Variants in ZNF804B observed in about 807,000 individuals in gnomAD.
ZNF804B encodes zinc finger 804B.
A neutral mutation model predicts 101.4 loss-of-function variants in ZNF804B; 80 were observed. The ratio of observed to expected loss-of-function variants is 0.79; its 90% CI spans 0.66 to 0.95. The LOEUF is 0.95. Among genes scored for constraint, ZNF804B ranks in the 40% least tolerant of loss-of-function variants. The pLI is 0.00. For synonymous variants in ZNF804B, 622 were observed against 558.8 expected, an observed-to-expected ratio of 1.11 and a Z score of -1.59; for missense variants, 1,673 against 1,561.9, an observed-to-expected ratio of 1.07 and a Z score of -1.20.
chr7:89,210,090 G>A (rs1254346177), intron 1 of ZNF804B, among the ~76,000 whole-genome samples: 1 of 151,584 alleles, frequency 6.6e-6, no homozygotes, highest in Non-Finnish European at 1.5e-5. Flanking sequence ...AGAGGTTTTA[G>A]TGAGCTGAGA....
intron 1 of ZNF804B, among the ~76,000 whole-genome samples, chr7:88,933,361 TC>T (rs1164809800): frequency 1.3e-5 from 2 of 151,822 alleles, no homozygotes; most frequent in Non-Finnish European, 2.9e-5. Flanking sequence ...TGAAAGCATT[TC>T]CCCTGAGAAC....
chr7:89,263,774 G>A (rs554474501), intron 2 of ZNF804B, among the ~76,000 whole-genome samples: 3 of 152,270 alleles, frequency 2.0e-5, no homozygotes, highest in East Asian at 3.9e-4. Flanking sequence ...GTGGTCACAA[G>A]CCAAGGAACT....
At chr7:88,980,503 A>C (rs1487615238) in intron 1 of ZNF804B, among the ~76,000 whole-genome samples, 1 of 152,046 alleles carries the variant, frequency 6.6e-6, no homozygotes, top group East Asian at 1.9e-4. Context: ...GTCTTTGTTC[A>C]CTGCAGCCAT....
intron 1 of ZNF804B, among the ~76,000 whole-genome samples, chr7:89,015,102 G>T (rs983298273): frequency 6.6e-6 from 1 of 152,090 alleles, no homozygotes; most frequent in Non-Finnish European, 1.5e-5. Context: ...ACTTAAGAGG[G>T]TGTACTTTCC....
chr7:89,156,073 T>C (rs1218570455), intron 1 of ZNF804B, among the ~76,000 whole-genome samples: 8 of 102,456 alleles, frequency 7.8e-5, no homozygotes, highest in African/African-American at 1.1e-4. Flanking sequence ...TCTTTCTTTC[T>C]CTCTTTCTCT....
At chr7:88,837,166 A>T (rs1791225691) in intron 1 of ZNF804B, among the ~76,000 whole-genome samples, 2 of 151,086 alleles carry the variant, frequency 1.3e-5, no homozygotes, top group African/African-American at 4.9e-5. Context: ...TACACAATAT[A>T]TTTTTTTTTG....
intron 1 of ZNF804B, among the ~76,000 whole-genome samples, chr7:89,071,435 G>T (rs2116297976): frequency 6.6e-6 from 1 of 152,164 alleles, no homozygotes; most frequent in South Asian, 2.1e-4. Flanking sequence ...AATTAAGAAA[G>T]TCTTTACAGG....
rs767449422 is a variant in ZNF804B at position 88,794,591 on chromosome 7, C to A, written c.108+34507C>A. Reference sequence around the variant, plus strand: ...ATAAAAAATACTGTTTCATCTTTGACATGGCCAATATAATCTAAAAGAACT... The same window carrying A: ...ATAAAAAATACTGTTTCATCTTTGAAATGGCCAATATAATCTAAAAGAACT... On this transcript the variant is annotated intron_variant, in intron 1 of 3. Coordinates refer to ENST00000333190, the MANE Select transcript of ZNF804B (RefSeq NM_181646.5). 5 of 1,613,578 alleles carry A rather than the reference C, an allele frequency of 3.1e-6. No individual in the cohort carries two copies. In the South Asian group the frequency reaches 3.3e-5, roughly 11 times the overall value.
chr7:89,280,576 A>G (rs530782609), intron 2 of ZNF804B, among the ~76,000 whole-genome samples: 1 of 152,354 alleles, frequency 6.6e-6, no homozygotes, highest in Non-Finnish European at 1.5e-5. Flanking sequence ...AGGGGATATC[A>G]CCACCGATCC....
At chr7:89,059,788 G>A (rs1789349489) in intron 1 of ZNF804B, among the ~76,000 whole-genome samples, 1 of 152,082 alleles carries the variant, frequency 6.6e-6, no homozygotes, top group South Asian at 2.1e-4. Context: ...CTAAAAACCT[G>A]GTAAAGCATT....
intron 1 of ZNF804B, among the ~76,000 whole-genome samples, chr7:88,919,725 G>A (rs1036838073): frequency 3.3e-5 from 5 of 151,876 alleles, no homozygotes; most frequent in East Asian, 1.9e-4. Context: ...CATTGTTATC[G>A]TAGCATTTCT....
At chr7:89,076,504 T>C (rs1236707041) in intron 1 of ZNF804B, among the ~76,000 whole-genome samples, 1 of 152,176 alleles carries the variant, frequency 6.6e-6, no homozygotes, top group African/African-American at 2.4e-5. Context: ...CCTCTTTTTC[T>C]TCCCAGTCTC....
intron 1 of ZNF804B, among the ~76,000 whole-genome samples, chr7:88,818,688 T>G (rs534567893): frequency 6.6e-6 from 1 of 152,294 alleles, no homozygotes; most frequent in Non-Finnish European, 1.5e-5. Flanking sequence ...AACTTAGACT[T>G]GTAGTCAGAA....
At chr7:89,111,851 A>C (rs1386029037) in intron 1 of ZNF804B, among the ~76,000 whole-genome samples, 1 of 152,108 alleles carries the variant, frequency 6.6e-6, no homozygotes, top group African/African-American at 2.4e-5. Context: ...AAATAGGGCT[A>C]GGTGCACTTT....
chr7:88,961,246 A>C (rs1218638860), intron 1 of ZNF804B, among the ~76,000 whole-genome samples: 4 of 151,422 alleles, frequency 2.6e-5, no homozygotes, highest in Admixed American at 1.3e-4. Context: ...TAATTTATCC[A>C]TGTATTTTTA....
At chr7:89,000,006 A>G in intron 1 of ZNF804B, among the ~76,000 whole-genome samples, 1 of 152,112 alleles carries the variant, frequency 6.6e-6, no homozygotes, top group Non-Finnish European at 1.5e-5. Flanking sequence ...CATTTCCTTG[A>G]GTAAAAATGA....
intron 1 of ZNF804B, among the ~76,000 whole-genome samples, chr7:89,131,479 T>C (rs1431646248): frequency 2.0e-5 from 3 of 151,914 alleles, no homozygotes; most frequent in African/African-American, 7.2e-5. Flanking sequence ...TGGACCGATG[T>C]TGGTTGAAAG....
At chr7:88,881,814 A>C (rs1406504) in intron 1 of ZNF804B, among the ~76,000 whole-genome samples, 1 of 151,954 alleles carries the variant, frequency 6.6e-6, no homozygotes, top group Non-Finnish European at 1.5e-5. Flanking sequence ...CTACATTACT[A>C]TGTACAACTT....
At chr7:89,241,276 A>C (rs897836172) in intron 2 of ZNF804B, among the ~76,000 whole-genome samples, 1 of 152,056 alleles carries the variant, frequency 6.6e-6, no homozygotes, top group South Asian at 2.1e-4. Context: ...TTTTATCCCA[A>C]GTTCCAGTAC....
Sources: gnomAD v4.1 joint callset for allele counts (sites outside exome capture counted in the v4.1 genomes callset) on GRCh38, gnomAD v4.1.1 for gene constraint, MANE v1.5 for transcripts, NCBI Gene and HGNC (gene_info 2026-07-23, HGNC 2026-07-21) for gene names.